The following BBS9 variants were observed in gnomAD, a reference collection of about 807,000 sequenced individuals.
The protein encoded by BBS9 is protein PTHB1.
A neutral mutation model predicts 117.7 loss-of-function variants in BBS9; 89 were observed. The observed-to-expected ratio is 0.76, with a 90% CI of 0.64 to 0.90. The LOEUF (loss-of-function observed/expected upper bound fraction) is 0.90, where lower values mean the gene tolerates loss of function less well. Among genes scored for constraint, BBS9 ranks in the 40% least tolerant of loss-of-function variants. BBS9 has a pLI of 0.00. For missense variants in BBS9, 982 were observed against 1,042.2 expected, an observed-to-expected ratio of 0.94 and a Z score of 0.80; for synonymous variants, 379 against 370.9, an observed-to-expected ratio of 1.02 and a Z score of -0.25.
chr7:33,490,090 T>A (rs1486046443), intron 19 of BBS9, among the ~76,000 whole-genome samples: 1 of 152,214 alleles, frequency 6.6e-6, no homozygotes, highest in African/African-American at 2.4e-5. Context: ...AACTAGAAAG[T>A]GAGTTATTTT....
upstream of BBS9, chr7:33,129,332 C>T (rs535533861): frequency 3.4e-5 from 18 of 534,982 alleles, no homozygotes; most frequent in East Asian, 5.6e-4. Flanking sequence ...GAGGGTCTTC[C>T]TTAAGGAACT....
intron 19 of BBS9, among the ~76,000 whole-genome samples, chr7:33,426,042 TC>T (rs398094972): frequency 6.6e-6 from 1 of 151,508 alleles, no homozygotes. Flanking sequence ...GTTTATAAGG[TC>T]CAGTTTGTGG....
At chr7:33,388,419 A>G (rs1404813190) in intron 19 of BBS9, among the ~76,000 whole-genome samples, 2 of 152,204 alleles carry the variant, frequency 1.3e-5, no homozygotes. Context: ...TTTTATGTAA[A>G]GCAACAAGAA....
intron 5 of BBS9, among the ~76,000 whole-genome samples, chr7:33,246,718 T>C (rs923596982): frequency 1.3e-5 from 2 of 152,086 alleles, no homozygotes; most frequent in African/African-American, 2.4e-5. Flanking sequence ...TGATGTTGTC[T>C]GTCTTGTCTT....
At chr7:33,359,035 A>G (rs1333205584) in intron 16 of BBS9, among the ~76,000 whole-genome samples, 1 of 151,836 alleles carries the variant, frequency 6.6e-6, no homozygotes, top group African/African-American at 2.4e-5. Flanking sequence ...ATATGTATAT[A>G]TTGTTAGCAA....
At chr7:33,237,124 C>T (rs2128275869) in intron 5 of BBS9, among the ~76,000 whole-genome samples, 1 of 152,260 alleles carries the variant, frequency 6.6e-6, no homozygotes, top group Non-Finnish European at 1.5e-5. Flanking sequence ...CATTTCCCTT[C>T]TGCAGATGAA....
At chr7:33,232,262 A>T (rs1792602307) in intron 5 of BBS9, among the ~76,000 whole-genome samples, 1 of 152,178 alleles carries the variant, frequency 6.6e-6, no homozygotes, top group African/African-American at 2.4e-5. Context: ...CTCTAAAGTT[A>T]TATCATTTTA....
intron 5 of BBS9, among the ~76,000 whole-genome samples, chr7:33,207,950 GGT>G: frequency 1.3e-5 from 2 of 152,060 alleles, no homozygotes; most frequent in Non-Finnish European, 2.9e-5. Context: ...TGGGATTATA[GGT>G]GTGCGCCACC....
At chr7:33,559,930 G>A (rs1276532967) in intron 21 of BBS9, among the ~76,000 whole-genome samples, 1 of 151,950 alleles carries the variant, frequency 6.6e-6, no homozygotes, top group Admixed American at 6.6e-5. Context: ...CTCTGCCCAG[G>A]ATTCCCATCT....
At chr7:33,597,673 C>T (rs1585420591) in intron 21 of BBS9, among the ~76,000 whole-genome samples, 5 of 150,652 alleles carry the variant, frequency 3.3e-5, no homozygotes, top group Admixed American at 2.0e-4. Context: ...TTAAGATCTT[C>T]CTGCAAAAAA....
At chr7:33,182,105 C>T (rs952029966) in intron 5 of BBS9, among the ~76,000 whole-genome samples, 7 of 151,862 alleles carry the variant, frequency 4.6e-5, no homozygotes, top group Admixed American at 1.3e-4. Context: ...CAAAACAAAA[C>T]AAAACAAAAA....
chr7:33,422,624 T>C (rs1459776066), intron 19 of BBS9, among the ~76,000 whole-genome samples: 1 of 152,214 alleles, frequency 6.6e-6, no homozygotes, highest in Non-Finnish European at 1.5e-5. Flanking sequence ...TTATGTCTTC[T>C]GTTTATAATG....
intron 5 of BBS9, among the ~76,000 whole-genome samples, chr7:33,218,271 GA>G (rs892239531): frequency 4.6e-4 from 70 of 152,120 alleles, no homozygotes; most frequent in African/African-American, 1.7e-3. Flanking sequence ...TTCTGGGCTG[GA>G]AAAAAATTTC....
chr7:33,247,560 A>G (rs1215786833), intron 5 of BBS9, among the ~76,000 whole-genome samples: 1 of 152,054 alleles, frequency 6.6e-6, no homozygotes, highest in Non-Finnish European at 1.5e-5. Flanking sequence ...CTCTTTCTCA[A>G]CCTGCAAGAC....
intron 9 of BBS9, among the ~76,000 whole-genome samples, chr7:33,323,744 T>G (rs1812207621): frequency 6.6e-6 from 1 of 151,934 alleles, no homozygotes; most frequent in Admixed American, 6.6e-5. Context: ...TATGTTCAGT[T>G]TTCATTATTA....
chr7:33,549,585 AAAAC>A (rs1485515647), intron 21 of BBS9, among the ~76,000 whole-genome samples: 4 of 151,152 alleles, frequency 2.6e-5, no homozygotes, highest in South Asian at 2.1e-4. Flanking sequence ...TTACAAGAAA[AAAAC>A]AAACAACCAC....
At chr7:33,428,141 G>A (rs548022512) in intron 19 of BBS9, among the ~76,000 whole-genome samples, 1 of 152,184 alleles carries the variant, frequency 6.6e-6, no homozygotes, top group African/African-American at 2.4e-5. Context: ...ATTAATAATT[G>A]CACCAGAACA....
intron 19 of BBS9, among the ~76,000 whole-genome samples, chr7:33,461,406 T>G (rs538444779): frequency 6.6e-6 from 1 of 152,100 alleles, no homozygotes; most frequent in Non-Finnish European, 1.5e-5. Context: ...CTTTCCTCAA[T>G]GCTTTGATTT....
At chr7:33,328,851 A>G (rs17170187) in intron 9 of BBS9, among the ~76,000 whole-genome samples, 22,117 of 151,996 alleles carry the variant, frequency 0.15, 2,381 homozygotes, top group African/African-American at 0.3. Context: ...CATTTTATAG[A>G]TTGGCTTTGT....
Sources: gnomAD v4.1 joint callset for allele counts (sites outside exome capture counted in the v4.1 genomes callset) on GRCh38, gnomAD v4.1.1 for gene constraint, MANE v1.5 for transcripts, NCBI Gene and HGNC (gene_info 2026-07-23, HGNC 2026-07-21) for gene names.